The following UBE4B variants were observed in gnomAD, a reference collection of about 807,000 sequenced individuals.
The protein encoded by UBE4B is ubiquitination factor E4B.
In UBE4B, 27 loss-of-function variants were observed where a neutral mutation model predicts 148.1. The observed-to-expected ratio is 0.18, with a 90% CI of 0.13 to 0.25. UBE4B has a LOEUF of 0.25. UBE4B is among the 10% of genes least tolerant of loss of function. The probability of loss-of-function intolerance (pLI) is 1.00; values close to 1 mark genes in which losing one functional copy is unlikely to be tolerated. For missense variants in UBE4B, 1,170 were observed against 1,662.4 expected (o/e 0.70, Z 5.15); for synonymous variants, 596 against 619.3 (o/e 0.96, Z 0.56).
Position 10,129,435 on chromosome 1 carries a change from C to T in UBE4B, c.1682C>T (p.Pro561Leu), listed in dbSNP as rs1482482521. 7.4e-6 allele frequency: 12 copies of T among 1,612,048 alleles called. No homozygotes were observed. The highest frequency in any genetic ancestry group is 1.0e-5 in the Non-Finnish European group (12 of 1,178,440). Residue 561 changes from proline (P) to leucine (L), a missense_variant, in exon 12 of 28, where the codon CCT (proline) becomes CTT (leucine). Around this residue, in one of 6 missense-constraint regions of UBE4B, gnomAD observed 388 missense variants for 536.0 expected, o/e 0.72. Transcript: ENST00000343090. Reference protein sequence around the residue: ...LCETKFGKTHPVCNLVASLRL... With the variant: ...LCETKFGKTHLVCNLVASLRL... Reference sequence around the variant, plus strand: ...GAAACCAAGTTTGGGAAGACACACCCTGTGTGCAATTTGGTAAGCACTCAC... The same window carrying T: ...GAAACCAAGTTTGGGAAGACACACCTTGTGTGCAATTTGGTAAGCACTCAC...
chr1:10,059,680 A>G (rs544827430), intron 1 of UBE4B: 24 of 154,044 alleles, frequency 1.6e-4, no homozygotes, highest in African/African-American at 5.5e-4. Flanking sequence ...GCCGATCCCT[A>G]TCCTGACAAC....
chr1:10,086,393 G>A (rs1226414275), intron 2 of UBE4B, among the ~76,000 whole-genome samples: 1 of 152,102 alleles, frequency 6.6e-6, no homozygotes, highest in Non-Finnish European at 1.5e-5. Context: ...TATTAAATAT[G>A]CACTGTGAAA....
intron 17 of UBE4B, 147 bp from the exon 18 acceptor site, chr1:10,144,793 C>T (rs559763602): frequency 5.1e-4 from 252 of 495,718 alleles, no homozygotes; most frequent in Non-Finnish European, 4.3e-4. Flanking sequence ...TATGATTTGC[C>T]GCTGGTTGTA....
chr1:10,171,257 G>A lies in UBE4B; in HGVS notation c.3453G>A (p.Leu1151=). The A allele has an allele frequency of 1.2e-6, 2 of 1,614,250 alleles. No homozygotes were observed. The highest frequency in any genetic ancestry group is 2.2e-5 in the South Asian group (2 of 91,086). The change falls in exon 25 of 28, where the codon CTG becomes CTA. Residue 1151 remains leucine (L), a synonymous_variant. Coordinates refer to ENST00000343090, the MANE Select transcript of UBE4B (RefSeq NM_001105562.3). The stretch of plus-strand genomic sequence containing the variant: ...AATACGGCTTTGAACCAAAGAAGCT[G>A]TTGGACCAACTGACGGATATTTACT... ...PEKYGFEPKK[L]LDQLTDIYLQ... is the part of the protein sequence containing the mutation.
At chr1:10,163,762 T>G (rs1646204663) in intron 23 of UBE4B, among the ~76,000 whole-genome samples, 1 of 151,434 alleles carries the variant, frequency 6.6e-6, no homozygotes, top group Non-Finnish European at 1.5e-5. Context: ...TATTAAATTA[T>G]TTTTTATTTT....
At chr1:10,066,816 G>T (rs1217728247) in intron 1 of UBE4B, among the ~76,000 whole-genome samples, 1 of 151,906 alleles carries the variant, frequency 6.6e-6, no homozygotes, top group African/African-American at 2.4e-5. Context: ...TGAGACAGGA[G>T]AATGGCATGA....
At chr1:10,138,484 T>C (rs1260715145) in intron 17 of UBE4B, among the ~76,000 whole-genome samples, 1 of 152,156 alleles carries the variant, frequency 6.6e-6, no homozygotes, top group East Asian at 1.9e-4. Flanking sequence ...TCCGACTGCC[T>C]CCGCCTCCCA....
chr1:10,053,077 G>A (rs1557514029), intron 1 of UBE4B, among the ~76,000 whole-genome samples: 2 of 152,046 alleles, frequency 1.3e-5, no homozygotes, highest in Admixed American at 6.6e-5. Context: ...TTTCATCAGC[G>A]ACCCTCCCAC....
At chr1:10,144,038 T>G (rs1187023528) in intron 17 of UBE4B, among the ~76,000 whole-genome samples, 1 of 152,180 alleles carries the variant, frequency 6.6e-6, no homozygotes, top group Non-Finnish European at 1.5e-5. Flanking sequence ...CCTCTAGTAT[T>G]ACACACAACA....
chr1:10,128,687 G>A (rs958525509), intron 11 of UBE4B: 1 of 152,218 alleles, frequency 6.6e-6, no homozygotes, highest in African/African-American at 2.4e-5. Flanking sequence ...GCATCTCAAC[G>A]TTGTGTCAAT....
At chr1:10,156,329 TC>T (rs1272948512) in intron 21 of UBE4B, among the ~76,000 whole-genome samples, 1 of 147,206 alleles carries the variant, frequency 6.8e-6, no homozygotes, top group Non-Finnish European at 1.5e-5. Context: ...ACTCTTGACC[TC>T]CCGGGCTCAA....
Position 10,042,297 on chromosome 1 carries a change from CCTGATAA to C in UBE4B, c.24+8605_24+8611del, listed in dbSNP as rs1385330862. Among the ~76,000 whole-genome samples, 8 of 152,280 alleles carry C rather than the reference CCTGATAA, an allele frequency of 5.3e-5. No individual in the cohort carries two copies. The East Asian group carries it at 1.5e-3, about 29-fold the overall frequency. On this transcript the variant is annotated intron_variant, in intron 1 of 27. Transcript: ENST00000343090. ...GCGCTTACAGTTGACTAGCTGCATC[CCTGATAA>C]CAGACAAACGTTGCTGTATGGAGCT...
chr1:10,096,075 A>G (rs143101585), intron 3 of UBE4B, among the ~76,000 whole-genome samples: 13 of 152,272 alleles, frequency 8.5e-5, no homozygotes, highest in Non-Finnish European at 1.9e-4. Flanking sequence ...GTGGCCCACT[A>G]TACTTGCATA....
In UBE4B at chr1:10,104,564, G is replaced by GA. The variant is rs1318695862; in HGVS notation, c.581-943dup. On this transcript the variant is annotated intron_variant, in intron 5 of 27. Transcript: ENST00000343090. ...CTATGCTGCCTATCTTCTGAGGAGG[G>GA]AAAAAAAAAGTCCTTTGTATTTCTG... Among the ~76,000 whole-genome samples the GA allele has an allele frequency of 4.6e-5, 7 of 150,720 alleles. No individual in the cohort carries two copies. In the East Asian group the frequency reaches 5.8e-4, roughly 13 times the overall value.
At chr1:10,065,352 C>G (rs904435918) in intron 1 of UBE4B, among the ~76,000 whole-genome samples, 2 of 152,004 alleles carry the variant, frequency 1.3e-5, no homozygotes, top group African/African-American at 4.8e-5. Flanking sequence ...GAGGAGCATG[C>G]GGGGGAGGAA....
chr1:10,114,331 G>T (rs987667325), intron 7 of UBE4B, among the ~76,000 whole-genome samples: 1 of 152,192 alleles, frequency 6.6e-6, no homozygotes, highest in African/African-American at 2.4e-5. Context: ...AGCAGCAGAG[G>T]AGGGATCGCA....
Position 10,151,308 on chromosome 1 carries a change from C to T in UBE4B, c.2691-18C>T, listed in dbSNP as rs770394080. On this transcript the variant is annotated intron_variant, in intron 20 of 27. Transcript: ENST00000343090. ...GTTTCTCAGCGGTCTCTTTCTTGCTCTTCTTGCCTCTGTTCAGATACTCTC... is the reference window on the plus strand; with the variant it reads ...GTTTCTCAGCGGTCTCTTTCTTGCTTTTCTTGCCTCTGTTCAGATACTCTC... 1.9e-6 allele frequency: 3 copies of T among 1,610,756 alleles called. No individual in the cohort carries two copies. The highest frequency in any genetic ancestry group is 2.2e-5 in the South Asian group (2 of 90,770).
At chr1:10,112,809 C>G (rs765688545) in intron 7 of UBE4B, among the ~76,000 whole-genome samples, 1 of 152,144 alleles carries the variant, frequency 6.6e-6, no homozygotes, top group African/African-American at 2.4e-5. Flanking sequence ...TGACACTTAA[C>G]GCTTGTATTA....
chr1:10,076,005 C>T (rs889358415), intron 2 of UBE4B, among the ~76,000 whole-genome samples: 3 of 152,112 alleles, frequency 2.0e-5, no homozygotes, highest in African/African-American at 7.2e-5. Context: ...GATCACACCA[C>T]TGCATTCCAG....
Sources: allele counts gnomAD v4.1 joint callset (sites outside exome capture counted in the v4.1 genomes callset), GRCh38; gene constraint gnomAD v4.1.1; regional missense constraint gnomAD v4.1.1; transcripts MANE v1.5; gene names NCBI Gene and HGNC (gene_info 2026-07-23, HGNC 2026-07-21).